Variants in CNTLN observed in about 807,000 individuals in gnomAD.
CNTLN encodes the protein centlein.
In CNTLN, 212 loss-of-function variants were observed where a neutral mutation model predicts 180.0. The observed-to-expected ratio is 1.18, with a 90% confidence interval of 1.05 to 1.32. The LOEUF (loss-of-function observed/expected upper bound fraction) is 1.32. Among genes scored for constraint, CNTLN ranks in the 40% most tolerant of loss-of-function variants. CNTLN has a pLI of 0.00. For synonymous variants in CNTLN, 722 were observed against 563.1 expected, an observed-to-expected ratio of 1.28 and a Z score of -3.99; for missense variants, 2,095 against 1,610.9, an observed-to-expected ratio of 1.30 and a Z score of -5.14.
intron 25 of CNTLN, among the ~76,000 whole-genome samples, chr9:17,496,717 C>T (rs1833475499): frequency 6.6e-6 from 1 of 152,152 alleles, no homozygotes; most frequent in Admixed American, 6.6e-5. Flanking sequence ...CAAATTCTTT[C>T]TTTAATGTCT....
chr9:17,222,071 T>G (rs1458925962), intron 2 of CNTLN, among the ~76,000 whole-genome samples: 1 of 152,034 alleles, frequency 6.6e-6, no homozygotes, highest in Non-Finnish European at 1.5e-5. Flanking sequence ...CTGCCCTGGA[T>G]CATTCCTGTC....
At chr9:17,442,506 C>T (rs1360259532) in intron 18 of CNTLN, among the ~76,000 whole-genome samples, 1 of 152,172 alleles carries the variant, frequency 6.6e-6, no homozygotes, top group East Asian at 1.9e-4. Context: ...TCAAGTGATT[C>T]TCCTGCCTCA....
intron 15 of CNTLN, among the ~76,000 whole-genome samples, chr9:17,404,410 A>G (rs916429940): frequency 5.9e-5 from 9 of 151,704 alleles, no homozygotes; most frequent in Non-Finnish European, 1.0e-4. Context: ...GAGAGTCCTG[A>G]TGCCGAAGGT....
chr9:17,171,952 G>A (rs1820448398), intron 2 of CNTLN, among the ~76,000 whole-genome samples: 1 of 152,156 alleles, frequency 6.6e-6, no homozygotes, highest in African/African-American at 2.4e-5. Context: ...AGAGTGAACA[G>A]TGGCTTTAAG....
chr9:17,277,348 G>A (rs1828377707), intron 6 of CNTLN, among the ~76,000 whole-genome samples: 1 of 152,064 alleles, frequency 6.6e-6, no homozygotes, highest in Non-Finnish European at 1.5e-5. Context: ...AGACAGTGCA[G>A]TCATAATTTT....
chr9:17,308,924 A>G (rs1363936729), intron 7 of CNTLN, 134 bp from the exon 8 acceptor site: 2 of 409,422 alleles, frequency 4.9e-6, no homozygotes, highest in African/African-American at 2.1e-5. Flanking sequence ...TCTCTCTGAG[A>G]CTATTAAAAT....
chr9:17,370,497 T>C (rs183877541), intron 13 of CNTLN, among the ~76,000 whole-genome samples: 2 of 152,266 alleles, frequency 1.3e-5, no homozygotes, highest in African/African-American at 2.4e-5. Context: ...GAGAAATGCT[T>C]TGACAGGCAA....
At position 17,223,559 on chromosome 9, in the gene CNTLN, C is replaced by G. The variant is rs963689521; in HGVS notation, c.450-2644C>G. ...ATTCCTCACTTTTCTATCAAGAAAT[C>G]CTGTTAGCTCTACCTTAAAAATATC... On this transcript the variant is annotated intron_variant, in intron 2 of 25. Coordinates refer to ENST00000380647, the MANE Select transcript of CNTLN (RefSeq NM_017738.4). 2.6e-5 allele frequency among the ~76,000 whole-genome samples: 4 copies of G among 152,112 alleles called. No individual in the cohort carries two copies. The South Asian group carries it at 8.3e-4, about 32-fold the overall frequency.
At chr9:17,344,550 A>C (rs1004983889) in intron 12 of CNTLN, among the ~76,000 whole-genome samples, 1 of 152,154 alleles carries the variant, frequency 6.6e-6, no homozygotes, top group Non-Finnish European at 1.5e-5. Context: ...ATGAAATGAG[A>C]ATACCAGACA....
chr9:17,258,293 T>C lies in CNTLN; in HGVS notation c.850-15440T>C, dbSNP rs1266316857. Among the ~76,000 whole-genome samples, 3 of 146,654 alleles carry C rather than the reference T, an allele frequency of 2.0e-5. 1 individual carries two copies. The East Asian group carries it at 5.9e-4, about 29-fold the overall frequency. On this transcript the variant is annotated intron_variant, in intron 5 of 25. Coordinates refer to ENST00000380647, the MANE Select transcript of CNTLN (RefSeq NM_017738.4). ...GTCAAAGATCAGATAGTTGTAGATATGCGGCGTTATTTCTGAGGGCTCTGT... is the reference window on the plus strand; with the variant it reads ...GTCAAAGATCAGATAGTTGTAGATACGCGGCGTTATTTCTGAGGGCTCTGT...
At position 17,339,604 on chromosome 9, in the gene CNTLN, A is replaced by G. The variant is rs538522390; in HGVS notation, c.1645-1223A>G. ...ACCATATGCCTACTCATATCACCTC[A>G]CTATAATATTAGAGAGTATCTGTTG... On this transcript the variant is annotated intron_variant, in intron 10 of 25. Transcript: ENST00000380647. Among the ~76,000 whole-genome samples, 35 of 152,300 alleles carry G rather than the reference A, an allele frequency of 2.3e-4. 1 individual carries two copies. The highest frequency in any genetic ancestry group is 7.7e-4 in the African/African-American group (32 of 41,574).
intron 1 of CNTLN, among the ~76,000 whole-genome samples, chr9:17,141,564 C>T (rs545826530): frequency 1.3e-5 from 2 of 151,958 alleles, no homozygotes; most frequent in Non-Finnish European, 2.9e-5. Flanking sequence ...AGTCTTGTAG[C>T]CTTGACACAG....
At chr9:17,487,527 C>G (rs191306585) in intron 25 of CNTLN, among the ~76,000 whole-genome samples, 126 of 152,258 alleles carry the variant, frequency 8.3e-4, no homozygotes, top group African/African-American at 2.9e-3. Context: ...CCCGCATTCT[C>G]TACAATATTT....
intron 8 of CNTLN, among the ~76,000 whole-genome samples, chr9:17,314,321 G>A (rs1328411578): frequency 6.6e-6 from 1 of 151,984 alleles, no homozygotes; most frequent in Non-Finnish European, 1.5e-5. Flanking sequence ...GGAATTATAT[G>A]GTGTATATTG....
chr9:17,374,275 A>C (rs1025518642), intron 13 of CNTLN, among the ~76,000 whole-genome samples: 1 of 152,232 alleles, frequency 6.6e-6, no homozygotes, highest in Admixed American at 6.5e-5. Flanking sequence ...GTAGGAAAAA[A>C]TTTAATAATC....
intron 2 of CNTLN, among the ~76,000 whole-genome samples, chr9:17,216,559 G>A (rs1823766549): frequency 6.6e-6 from 1 of 151,920 alleles, no homozygotes. Flanking sequence ...GATACACTTG[G>A]TTCAAAGATT....
intron 25 of CNTLN, among the ~76,000 whole-genome samples, chr9:17,495,848 G>A (rs75479972): frequency 0.042 from 6,424 of 152,042 alleles, 461 homozygotes; most frequent in African/African-American, 0.15. Context: ...TTTTTACTAC[G>A]CCTTTCCTAT....
At chr9:17,376,645 G>T (rs1824796490) in intron 13 of CNTLN, among the ~76,000 whole-genome samples, 1 of 151,834 alleles carries the variant, frequency 6.6e-6, no homozygotes, top group Admixed American at 6.6e-5. Context: ...TAGAGACGGG[G>T]TTTCACCATG....
intron 8 of CNTLN, among the ~76,000 whole-genome samples, chr9:17,327,560 T>G (rs1337148629): frequency 6.6e-6 from 1 of 151,694 alleles, no homozygotes; most frequent in African/African-American, 2.4e-5. Context: ...AGGGATGAGA[T>G]TGTGAAGAGA....
Sources: allele counts gnomAD v4.1 joint callset (sites outside exome capture counted in the v4.1 genomes callset), GRCh38; gene constraint gnomAD v4.1.1; transcripts MANE v1.5; gene names NCBI Gene and HGNC (gene_info 2026-07-23, HGNC 2026-07-21).